Variants in GRM7 observed in about 807,000 individuals in gnomAD.
GRM7 encodes metabotropic glutamate receptor 7.
GRM7 carries 35 observed loss-of-function variants against 84.5 expected under a neutral mutation model. The observed-to-expected ratio is 0.41, with a 90% CI of 0.32 to 0.55. The LOEUF (loss-of-function observed/expected upper bound fraction) is 0.55. Among genes scored for constraint, GRM7 ranks in the 20% least tolerant of loss-of-function variants. GRM7 has a pLI of 0.19. For synonymous variants in GRM7, 487 were observed against 455.1 expected (o/e 1.07, Z -0.89); for missense variants, 1,003 against 1,194.6 (o/e 0.84, Z 2.36).
chr3:7,281,951 C>T (rs1001431668), intron 2 of GRM7, among the ~76,000 whole-genome samples: 2 of 152,128 alleles, frequency 1.3e-5, no homozygotes, highest in African/African-American at 4.8e-5. Context: ...GGCGTGGCAG[C>T]GTGAGGCTGT....
chr3:7,122,601 A>C (rs540599661), intron 1 of GRM7, among the ~76,000 whole-genome samples: 1 of 152,342 alleles, frequency 6.6e-6, no homozygotes, highest in East Asian at 1.9e-4. Flanking sequence ...AAATGGTGGT[A>C]AAATGCTCTG....
chr3:7,363,728 A>T (rs1693764153), intron 4 of GRM7, among the ~76,000 whole-genome samples: 2 of 152,010 alleles, frequency 1.3e-5, no homozygotes, highest in African/African-American at 4.8e-5. Context: ...AACTTAATTG[A>T]CCCTGTCAAA....
chr3:7,437,412 T>C (rs952638919), intron 5 of GRM7, among the ~76,000 whole-genome samples: 4 of 152,204 alleles, frequency 2.6e-5, no homozygotes, highest in African/African-American at 9.6e-5. Context: ...TTATTTATTG[T>C]GCTAGACTCT....
At chr3:7,240,632 AG>A (rs777323037) in intron 2 of GRM7, among the ~76,000 whole-genome samples, 21 of 152,206 alleles carry the variant, frequency 1.4e-4, no homozygotes, top group Non-Finnish European at 2.8e-4. Flanking sequence ...AGGATTTAAA[AG>A]TCTGTTTCTT....
At chr3:7,377,071 G>T (rs1271759895) in intron 4 of GRM7, among the ~76,000 whole-genome samples, 2 of 152,184 alleles carry the variant, frequency 1.3e-5, no homozygotes, top group African/African-American at 4.8e-5. Context: ...ATCAATTATT[G>T]AAAAACATGA....
chr3:7,151,407 A>AAAAC lies in GRM7; in HGVS notation c.736+4746_736+4749dup. 6.6e-6 allele frequency among the ~76,000 whole-genome samples: 1 copy of AAAAC among 152,272 alleles called. No homozygotes were observed. Among genetic ancestry groups the AAAAC allele is most frequent in the Middle Eastern group, 3.4e-3 (1 of 294 alleles). On this transcript the variant is annotated intron_variant, in intron 2 of 9. Coordinates refer to ENST00000357716, the MANE Select transcript of GRM7 (RefSeq NM_000844.4). The surrounding 1 kb of genome is among the most constrained non-coding windows in gnomAD (Gnocchi z 4.5). ...GGGAGACAGAGCAAGACTCTGTCTC[A>AAAAC]AAACAAACAACAAACAAACAAACAA...
intron 1 of GRM7, among the ~76,000 whole-genome samples, chr3:7,137,335 A>G (rs1431881300): frequency 6.6e-6 from 1 of 152,132 alleles, no homozygotes; most frequent in East Asian, 1.9e-4. Context: ...CTATCTTGAA[A>G]GTAAGATCTG....
chr3:7,032,333 T>A (rs976654420), intron 1 of GRM7, among the ~76,000 whole-genome samples: 1 of 152,200 alleles, frequency 6.6e-6, no homozygotes, highest in African/African-American at 2.4e-5. Flanking sequence ...AGTTATTTGG[T>A]TAGATGTGAG....
At chr3:6,922,089 C>T (rs1475540537) in intron 1 of GRM7, among the ~76,000 whole-genome samples, 1 of 152,230 alleles carries the variant, frequency 6.6e-6, no homozygotes, top group Non-Finnish European at 1.5e-5. Context: ...ATGTTCCGAG[C>T]ACGCCTCTTT....
At chr3:7,397,056 T>G (rs999521399) in intron 4 of GRM7, among the ~76,000 whole-genome samples, 1 of 152,156 alleles carries the variant, frequency 6.6e-6, no homozygotes, top group African/African-American at 2.4e-5. Context: ...TGTGCATTGT[T>G]TGATTTCAGA....
At chr3:7,680,838 A>G (rs1296915731) in intron 9 of GRM7, 1 of 156,154 alleles carries the variant, frequency 6.4e-6, no homozygotes. Context: ...TAACGGCATC[A>G]TACTGTGGGG....
Position 7,435,693 on chromosome 3 carries a change from T to G in GRM7, c.1175-16914T>G, listed in dbSNP as rs1409078411. Among the ~76,000 whole-genome samples, 7 of 139,868 alleles carry G rather than the reference T, an allele frequency of 5.0e-5. No individual in the cohort carries two copies. In the South Asian group the frequency reaches 1.8e-3, roughly 36 times the overall value. 91.8% of individuals were successfully genotyped at this position (139,868 alleles called of 152,430 possible). A position where few individuals can be genotyped will look rare whatever the true frequency, so the allele number is the denominator to read the frequency against. Reference sequence around the variant, plus strand: ...ACATCCGGCTAGTTTTTTTTTTTTTTTTTTTTTTTTTTGAGACAGAGTCTC... The same window carrying G: ...ACATCCGGCTAGTTTTTTTTTTTTTGTTTTTTTTTTTTGAGACAGAGTCTC... On this transcript the variant is annotated intron_variant, in intron 5 of 9. Transcript: ENST00000357716.
At chr3:7,663,712 C>A (rs59072598) in intron 8 of GRM7, among the ~76,000 whole-genome samples, 1 of 151,952 alleles carries the variant, frequency 6.6e-6, no homozygotes, top group Non-Finnish European at 1.5e-5. Context: ...GTTATGGAGA[C>A]CATGGATTTT....
chr3:7,189,879 A>C (rs1336930904), intron 2 of GRM7, among the ~76,000 whole-genome samples: 2 of 152,126 alleles, frequency 1.3e-5, no homozygotes, highest in Non-Finnish European at 2.9e-5. Context: ...TATTAGAATG[A>C]CTAAACGTTG....
Position 7,080,619 on chromosome 3 carries a change from C to T in GRM7, c.520-65833C>T, listed in dbSNP as rs372147296. ...TTCTATTCTAAGCTTCACCTCATCA[C>T]ACAAGTAGACATATATGTATATATG... On this transcript the variant is annotated intron_variant, in intron 1 of 9. Coordinates refer to ENST00000357716, the MANE Select transcript of GRM7 (RefSeq NM_000844.4). Among the ~76,000 whole-genome samples, 3 of 152,020 alleles carry T rather than the reference C, an allele frequency of 2.0e-5. No individual in the cohort carries two copies. The East Asian group carries it at 5.8e-4, about 29-fold the overall frequency.
intron 1 of GRM7, among the ~76,000 whole-genome samples, chr3:7,059,831 T>C (rs999948298): frequency 6.6e-6 from 1 of 151,768 alleles, no homozygotes. Flanking sequence ...AACCAAAACA[T>C]TGGTCTTCTC....
chr3:7,206,137 T>C (rs1439530805), intron 2 of GRM7, among the ~76,000 whole-genome samples: 1 of 152,184 alleles, frequency 6.6e-6, no homozygotes, highest in East Asian at 1.9e-4. Context: ...CTTTTTGCTT[T>C]CATTTTCTCT....
intron 9 of GRM7, chr3:7,690,906 C>T (rs1020430338): frequency 3.4e-6 from 1 of 292,736 alleles, no homozygotes. Context: ...ACTGTGTATC[C>T]TAAACCAAGG....
At chr3:7,360,176 A>T (rs1460752039) in intron 4 of GRM7, among the ~76,000 whole-genome samples, 2 of 144,440 alleles carry the variant, frequency 1.4e-5, no homozygotes, top group African/African-American at 5.4e-5. Context: ...TGTGTGTGAA[A>T]GAAAATGTGT....
Sources: allele counts gnomAD v4.1 joint callset (sites outside exome capture counted in the v4.1 genomes callset), GRCh38; gene constraint gnomAD v4.1.1; non-coding constraint Gnocchi (gnomAD v3.1); transcripts MANE v1.5; gene names NCBI Gene and HGNC (gene_info 2026-07-23, HGNC 2026-07-21).